The following MALRD1 variants were observed in gnomAD, a reference collection of about 807,000 sequenced individuals.
MALRD1 encodes the protein MAM and LDL receptor class A domain containing 1, also known as MAM and LDL-receptor class A domain-containing protein 1.
In MALRD1, 247 loss-of-function variants were observed where a neutral mutation model predicts 242.1. That is an observed-to-expected ratio of 1.02 (90% CI 0.92 to 1.13). The LOEUF is 1.13. MALRD1 is among the 50% of genes most tolerant of loss of function. The pLI is 0.00. For missense variants in MALRD1, 2,989 were observed against 2,533.1 expected, an observed-to-expected ratio of 1.18 and a Z score of -3.86; for synonymous variants, 995 against 866.6, an observed-to-expected ratio of 1.15 and a Z score of -2.60.
At chr10:19,065,010 G>A (rs1006442410) in intron 1 of MALRD1, among the ~76,000 whole-genome samples, 4 of 145,544 alleles carry the variant, frequency 2.7e-5, no homozygotes, top group East Asian at 2.0e-4. Context: ...GAAAAGGGCC[G>A]GGTGCGGTTG....
At chr10:19,529,548 G>GC (rs1047993489) in intron 31 of MALRD1, among the ~76,000 whole-genome samples, 13 of 146,628 alleles carry the variant, frequency 8.9e-5, no homozygotes, top group Admixed American at 1.4e-4. Context: ...AAAACAGGAG[G>GC]GGGGGGGAGA....
chr10:19,165,265 ATT>A (rs1456757761), intron 12 of MALRD1, among the ~76,000 whole-genome samples: 1 of 130,286 alleles, frequency 7.7e-6, no homozygotes, highest in Non-Finnish European at 1.6e-5. Flanking sequence ...ATATATATAT[ATT>A]TTGTTTTGTT....
intron 30 of MALRD1, among the ~76,000 whole-genome samples, chr10:19,495,438 T>A: frequency 6.7e-6 from 1 of 149,580 alleles, no homozygotes; most frequent in African/African-American, 2.5e-5. Flanking sequence ...GGGCCTATAT[T>A]CAACATTCTA....
intron 36 of MALRD1, among the ~76,000 whole-genome samples, chr10:19,650,790 C>A (rs1162446909): frequency 3.3e-5 from 5 of 152,146 alleles, no homozygotes; most frequent in Non-Finnish European, 5.9e-5. Context: ...TCTCAAGCAC[C>A]TTTCAATTCA....
chr10:19,572,705 T>C (rs550113347), intron 33 of MALRD1, among the ~76,000 whole-genome samples: 19 of 152,136 alleles, frequency 1.2e-4, no homozygotes, highest in Non-Finnish European at 2.8e-4. Context: ...TGAAGTACGG[T>C]GGGCCCTAAT....
intron 32 of MALRD1, among the ~76,000 whole-genome samples, chr10:19,543,807 T>G (rs1198355673): frequency 1.3e-5 from 2 of 152,180 alleles, no homozygotes; most frequent in Non-Finnish European, 2.9e-5. Context: ...CAAATCAACT[T>G]GTAAATGCTG....
At chr10:19,338,919 C>T (rs1843720355) in intron 24 of MALRD1, among the ~76,000 whole-genome samples, 1 of 143,596 alleles carries the variant, frequency 7.0e-6, no homozygotes, top group Non-Finnish European at 1.5e-5. Flanking sequence ...TATAAAACTA[C>T]ATATATACTA....
rs374095193 is a variant in MALRD1 at position 19,373,203 on chromosome 10, C to CAAAAAAA, written c.4442-14314_4442-14308dup. Among the ~76,000 whole-genome samples, 33 of 114,816 alleles carry CAAAAAAA rather than the reference C, an allele frequency of 2.9e-4. 1 individual carries two copies. The highest frequency in any genetic ancestry group is 8.2e-4 in the African/African-American group (24 of 29,218). The allele number at this position is 114,816 out of a possible 152,430, so 75.3% of individuals were successfully genotyped here. A position where few individuals can be genotyped will look rare whatever the true frequency, so the allele number is the denominator to read the frequency against. ...CTTGCATTTCAGCAAACGCTAAATA[C>CAAAAAAA]AAAAAAAAAAAAAAAAATAAGGGGC... On this transcript the variant is annotated intron_variant, in intron 26 of 39. Transcript: ENST00000454679.
At chr10:19,567,142 C>G (rs1342441121) in intron 32 of MALRD1, among the ~76,000 whole-genome samples, 4 of 152,158 alleles carry the variant, frequency 2.6e-5, no homozygotes, top group Non-Finnish European at 4.4e-5. Flanking sequence ...TGAGGGTCCT[C>G]TTTTTCTGCA....
intron 36 of MALRD1, among the ~76,000 whole-genome samples, chr10:19,650,927 A>G (rs1840851043): frequency 6.6e-6 from 1 of 152,112 alleles, no homozygotes; most frequent in African/African-American, 2.4e-5. Context: ...ACAGCAGGAG[A>G]GTGTACTGCA....
At chr10:19,476,622 A>G (rs981665936) in intron 29 of MALRD1, among the ~76,000 whole-genome samples, 15 of 152,144 alleles carry the variant, frequency 9.9e-5, no homozygotes, top group Admixed American at 2.6e-4. Context: ...AGCAATGACT[A>G]TGGATTTGAG....
chr10:19,097,694 C>T (rs1485093159), intron 4 of MALRD1, among the ~76,000 whole-genome samples: 3 of 152,040 alleles, frequency 2.0e-5, no homozygotes, highest in Non-Finnish European at 4.4e-5. Flanking sequence ...TATTCCTAGC[C>T]TCTAGATGTT....
At chr10:19,144,135 C>T (rs1028507321) in intron 10 of MALRD1, among the ~76,000 whole-genome samples, 5 of 152,074 alleles carry the variant, frequency 3.3e-5, no homozygotes, top group African/African-American at 1.2e-4. Context: ...AGTCAACTTT[C>T]TTGTTTTTTA....
chr10:19,409,015 G>A (rs1350959503), intron 28 of MALRD1, among the ~76,000 whole-genome samples: 1 of 152,144 alleles, frequency 6.6e-6, no homozygotes, highest in African/African-American at 2.4e-5. Flanking sequence ...ACAGCATTCT[G>A]TTAACTGTAC....
chr10:19,702,809 G>A (rs1308898603), intron 38 of MALRD1, among the ~76,000 whole-genome samples: 1 of 152,180 alleles, frequency 6.6e-6, no homozygotes, highest in Non-Finnish European at 1.5e-5. Flanking sequence ...CATGTAAGCA[G>A]AAAACCATCA....
chr10:19,311,013 C>A (rs536645655), intron 21 of MALRD1, among the ~76,000 whole-genome samples: 2 of 151,354 alleles, frequency 1.3e-5, no homozygotes, highest in South Asian at 4.2e-4. Flanking sequence ...GAGAAGGATA[C>A]CTTGAATGAT....
chr10:19,381,231 ACATGAACT>A (rs1845826219), intron 26 of MALRD1, among the ~76,000 whole-genome samples: 1 of 151,220 alleles, frequency 6.6e-6, no homozygotes, highest in Non-Finnish European at 1.5e-5. Context: ...CCTACAAAGG[ACATGAACT>A]CATCAATTTT....
intron 28 of MALRD1, among the ~76,000 whole-genome samples, chr10:19,396,811 G>T (rs954766563): frequency 6.6e-6 from 1 of 152,034 alleles, no homozygotes; most frequent in Admixed American, 6.6e-5. Flanking sequence ...ACTACTTTGT[G>T]TTCATCAACT....
At chr10:19,411,511 A>G (rs777038051) in intron 28 of MALRD1, among the ~76,000 whole-genome samples, 8 of 152,300 alleles carry the variant, frequency 5.3e-5, no homozygotes, top group Non-Finnish European at 8.8e-5. Context: ...AATGTGCATA[A>G]TAAGTGCAAA....
Sources: gnomAD v4.1 joint callset for allele counts (sites outside exome capture counted in the v4.1 genomes callset) on GRCh38, gnomAD v4.1.1 for gene constraint, MANE v1.5 for transcripts, NCBI Gene and HGNC (gene_info 2026-07-23, HGNC 2026-07-21) for gene names.